PGPEP1L: variants seen among roughly 807,000 people sequenced by gnomAD.
PGPEP1L encodes pyroglutamyl-peptidase 1-like protein.
Under a neutral mutation model 6.0 loss-of-function variants are expected in PGPEP1L, and 7 were observed. That is an observed-to-expected ratio of 1.17 (90% CI 0.66 to 2.19). PGPEP1L has a LOEUF of 2.19. PGPEP1L is among the 30% of genes most tolerant of loss of function. The pLI is 0.00. For synonymous variants in PGPEP1L, 103 were observed against 83.9 expected, an observed-to-expected ratio of 1.23 and a Z score of -1.24; for missense variants, 209 against 192.5, an observed-to-expected ratio of 1.09 and a Z score of -0.51.
chr15:99,001,649 A>G (rs1274903946), intron 2 of PGPEP1L, among the ~76,000 whole-genome samples: 1 of 152,242 alleles, frequency 6.6e-6, no homozygotes, highest in African/African-American at 2.4e-5. Flanking sequence ...AATTACTCCA[A>G]GTGAAAAAGA....
intron 2 of PGPEP1L, among the ~76,000 whole-genome samples, chr15:98,985,728 T>C (rs1047159649): frequency 5.9e-5 from 9 of 152,188 alleles, no homozygotes; most frequent in Non-Finnish European, 1.3e-4. Context: ...TCAGGCCAGA[T>C]GTGCAACCTC....
intron 2 of PGPEP1L, among the ~76,000 whole-genome samples, chr15:98,990,721 C>G (rs532970971): frequency 3.3e-5 from 5 of 152,300 alleles, no homozygotes; most frequent in Admixed American, 6.5e-5. Flanking sequence ...AAGTAAAACA[C>G]TCCTCAGCAA....
In PGPEP1L at chr15:99,000,423, A is replaced by G. The variant is rs1336121914; in HGVS notation, c.-142+5006T>C. Reference sequence around the variant, plus strand: ...ACAGGACTGGCAGGCAGCTCCACCTACGGCCCCAGTGCGGGATCCACAGGG... The same window carrying G: ...ACAGGACTGGCAGGCAGCTCCACCTGCGGCCCCAGTGCGGGATCCACAGGG... On this transcript the variant is annotated intron_variant, in intron 2 of 4. Coordinates refer to ENST00000535714, the MANE Select transcript of PGPEP1L (RefSeq NM_001167902.2). 3.3e-5 allele frequency among the ~76,000 whole-genome samples: 5 copies of G among 152,254 alleles called. No individual in the cohort carries two copies. In the East Asian group the frequency reaches 9.7e-4, roughly 29 times the overall value.
At chr15:98,989,991 T>A (rs1432759407) in intron 2 of PGPEP1L, among the ~76,000 whole-genome samples, 1 of 152,002 alleles carries the variant, frequency 6.6e-6, no homozygotes, top group Non-Finnish European at 1.5e-5. Flanking sequence ...GCACCAAATA[T>A]GGAAAGGAAC....
Position 98,988,534 on chromosome 15 carries a change from A to C in PGPEP1L, c.-142+16895T>G, listed in dbSNP as rs1327094659. On this transcript the variant is annotated intron_variant, in intron 2 of 4. Coordinates refer to ENST00000535714, the MANE Select transcript of PGPEP1L (RefSeq NM_001167902.2). ...AACCCCCATCTCCCTGGGACAGAGC[A>C]CCTGGGGGAAGGGGCAGCTGTGGGC... 5.9e-5 allele frequency among the ~76,000 whole-genome samples: 9 copies of C among 152,160 alleles called. No homozygotes were observed. In the East Asian group the frequency reaches 1.7e-3, roughly 29 times the overall value.
intron 2 of PGPEP1L, among the ~76,000 whole-genome samples, chr15:99,003,203 T>TAA (rs11292817): frequency 7.4e-6 from 1 of 135,092 alleles, no homozygotes. Context: ...ATAGTGAGAT[T>TAA]AAAAAAAAAA....
In PGPEP1L at chr15:98,981,162, T is replaced by A. The variant is rs547834161; in HGVS notation, c.-141-10004A>T. ...AATTGAGGAACAAACTATCAATTCC[T>A]GGCCAGACTCTTCAAAACCATCAAC... On this transcript the variant is annotated intron_variant, in intron 2 of 4. Transcript: ENST00000535714. 1.6e-4 allele frequency among the ~76,000 whole-genome samples: 25 copies of A among 152,212 alleles called. 2 individuals are homozygous for A. Among genetic ancestry groups the A allele is most frequent in the African/African-American group, 6.0e-4 (25 of 41,544 alleles).
At position 99,006,784 on chromosome 15, in the gene PGPEP1L, T is replaced by A. The variant is rs150287913; in HGVS notation, c.-370+575A>T. Among the ~76,000 whole-genome samples the A allele has an allele frequency of 3.3e-5, 4 of 123,054 alleles. No homozygotes were observed. In the South Asian group the frequency reaches 8.0e-4, roughly 25 times the overall value. 80.7% of individuals were successfully genotyped at this position (123,054 alleles called of 152,430 possible). ...CTGCACTCCACCCTGGGTGACAGAG[T>A]GAGACCCTGTCTCTAAAAATATTCT... On this transcript the variant is annotated intron_variant, in intron 1 of 4. Coordinates refer to ENST00000535714, the MANE Select transcript of PGPEP1L (RefSeq NM_001167902.2).
chr15:98,999,613 T>C (rs568830288), intron 2 of PGPEP1L, among the ~76,000 whole-genome samples: 2 of 152,280 alleles, frequency 1.3e-5, no homozygotes, highest in East Asian at 3.9e-4. Flanking sequence ...CATACAGAAG[T>C]GTATACAAAA....
chr15:98,988,185 T>C (rs1466910755), intron 2 of PGPEP1L, among the ~76,000 whole-genome samples: 1 of 151,660 alleles, frequency 6.6e-6, no homozygotes, highest in African/African-American at 2.4e-5. Context: ...GGGAGCCAAG[T>C]GGTCTGACTC....
At chr15:98,991,487 G>T (rs1471840487) in intron 2 of PGPEP1L, among the ~76,000 whole-genome samples, 1 of 152,096 alleles carries the variant, frequency 6.6e-6, no homozygotes, top group Non-Finnish European at 1.5e-5. Context: ...ACTAAAAATA[G>T]TCCAGGACCA....
intron 2 of PGPEP1L, among the ~76,000 whole-genome samples, chr15:98,981,304 A>G (rs905231039): frequency 2.0e-5 from 3 of 152,052 alleles, no homozygotes; most frequent in African/African-American, 4.8e-5. Flanking sequence ...CATCCTGGCT[A>G]ACACAGTGAA....
intron 2 of PGPEP1L, among the ~76,000 whole-genome samples, chr15:98,993,493 TTGG>T (rs2017845388): frequency 6.6e-6 from 1 of 152,150 alleles, no homozygotes; most frequent in Non-Finnish European, 1.5e-5. Flanking sequence ...TTTTACACTG[TTGG>T]TGGGAGTGTA....
At chr15:98,977,449 T>TAATAA (rs2151756536) in intron 2 of PGPEP1L, among the ~76,000 whole-genome samples, 1 of 152,394 alleles carries the variant, frequency 6.6e-6, no homozygotes, top group Admixed American at 6.5e-5. Context: ...CATCTCTGGC[T>TAATAA]TATTTAGAAG....
intron 2 of PGPEP1L, among the ~76,000 whole-genome samples, chr15:99,004,459 C>A (rs1413541398): frequency 6.6e-6 from 1 of 151,812 alleles, no homozygotes; most frequent in East Asian, 1.9e-4. Flanking sequence ...GTGGCTCATG[C>A]CTGTAGTCCC....
rs557220585 is a variant in PGPEP1L, at chr15:98,984,246, G to C, written c.-141-13088C>G. Among the ~76,000 whole-genome samples the C allele has an allele frequency of 3.3e-5, 5 of 152,264 alleles. No individual in the cohort carries two copies. In the South Asian group the frequency reaches 8.3e-4, roughly 25 times the overall value. ...AAGATGGTCTCGATCTCCTGACCTT[G>C]TGAACCACCCACCGTGGCCTCCCAA... On this transcript the variant is annotated intron_variant, in intron 2 of 4. Transcript: ENST00000535714.
chr15:99,003,426 C>A (rs1368892114), intron 2 of PGPEP1L, among the ~76,000 whole-genome samples: 1 of 150,438 alleles, frequency 6.6e-6, no homozygotes, highest in Non-Finnish European at 1.5e-5. Flanking sequence ...CTTGGTCAGC[C>A]CCCAGTGCAA....
At chr15:99,001,170 AG>A (rs1555472961) in intron 2 of PGPEP1L, 1 of 446,554 alleles carries the variant, frequency 2.2e-6, no homozygotes, top group Non-Finnish European at 4.5e-6. Context: ...GCCGCCTTTA[AG>A]AACTGTAACA....
chr15:98,999,547 AT>A, intron 2 of PGPEP1L, among the ~76,000 whole-genome samples: 1 of 152,290 alleles, frequency 6.6e-6, no homozygotes, highest in Admixed American at 6.5e-5. Flanking sequence ...TTGAAAGTGG[AT>A]TTACTAGCAT....
Sources: gnomAD v4.1 joint callset for allele counts (sites outside exome capture counted in the v4.1 genomes callset) on GRCh38, gnomAD v4.1.1 for gene constraint, MANE v1.5 for transcripts, NCBI Gene and HGNC (gene_info 2026-07-23, HGNC 2026-07-21) for gene names.